Variants in HELZ observed in about 807,000 individuals in gnomAD.
HELZ encodes helicase with zinc finger, also known as ATP-dependent RNA helicase with zinc finger domain.
Under a neutral mutation model 218.2 loss-of-function variants are expected in HELZ, and 23 were observed. The ratio of observed to expected loss-of-function variants is 0.11; its 90% CI spans 0.08 to 0.15. The LOEUF is 0.15. HELZ is among the 10% of genes least tolerant of loss of function. The pLI is 1.00. For synonymous variants in HELZ, 814 were observed against 829.4 expected (o/e 0.98, Z 0.32); for missense variants, 1,813 against 2,353.7 (o/e 0.77, Z 4.75).
intron 31 of HELZ, among the ~76,000 whole-genome samples, chr17:67,101,461 A>G (rs906989115): frequency 1.3e-5 from 2 of 152,224 alleles, no homozygotes; most frequent in Non-Finnish European, 2.9e-5. Context: ...TTAAAACAGT[A>G]TAATTCTAGC....
intron 5 of HELZ, among the ~76,000 whole-genome samples, chr17:67,206,566 C>T (rs1598421794): frequency 6.7e-6 from 1 of 150,102 alleles, no homozygotes; most frequent in African/African-American, 2.5e-5. Context: ...TACATATTCT[C>T]TACTGTTTTC....
chr17:67,155,277 A>C (rs1435364406), intron 17 of HELZ, among the ~76,000 whole-genome samples: 1 of 152,184 alleles, frequency 6.6e-6, no homozygotes, highest in African/African-American at 2.4e-5. Flanking sequence ...CAGCATAACA[A>C]AGAACAACCA....
chr17:67,170,469 G>A (rs773470315), intron 13 of HELZ, among the ~76,000 whole-genome samples: 22 of 152,030 alleles, frequency 1.4e-4, no homozygotes, highest in East Asian at 3.9e-4. Context: ...AGCTGAGATC[G>A]CGCCACTGCA....
rs1457357666 is a variant in HELZ at position 67,217,856 on chromosome 17, TCTC to T, written c.210+736_210+738del. Among the ~76,000 whole-genome samples, 10 of 152,064 alleles carry T rather than the reference TCTC, an allele frequency of 6.6e-5. No individual in the cohort carries two copies. The East Asian group carries it at 7.7e-4, about 12-fold the overall frequency. On this transcript the variant is annotated intron_variant, in intron 4 of 32. Transcript: ENST00000358691. ...ATATTCCCAATCTCCCCTGCCCTGT[TCTC>T]CTTTTTTCATGCGGTTACTACCTTT...
At chr17:67,100,788 A>C (rs914739294) in intron 31 of HELZ, among the ~76,000 whole-genome samples, 6 of 152,180 alleles carry the variant, frequency 3.9e-5, no homozygotes, top group Non-Finnish European at 8.8e-5. Flanking sequence ...CATTCAAAAA[A>C]TAAGAGAGAG....
chr17:67,095,893 T>A (rs1430298047), intron 31 of HELZ, among the ~76,000 whole-genome samples: 1 of 152,218 alleles, frequency 6.6e-6, no homozygotes, highest in Non-Finnish European at 1.5e-5. Flanking sequence ...GGTTTTTAAT[T>A]TACTTTGTCC....
chr17:67,174,719 A>G (rs1027129310), intron 13 of HELZ, among the ~76,000 whole-genome samples: 1 of 151,752 alleles, frequency 6.6e-6, no homozygotes, highest in East Asian at 1.9e-4. Context: ...AATCGCTTGA[A>G]CCCAGGAGGC....
chr17:67,099,764 A>G (rs565536838), intron 31 of HELZ, among the ~76,000 whole-genome samples: 1 of 152,344 alleles, frequency 6.6e-6, no homozygotes, highest in South Asian at 2.1e-4. Context: ...CAGCAACTTA[A>G]TTAATAAGGG....
chr17:67,115,290 A>C (rs986626897), intron 27 of HELZ, among the ~76,000 whole-genome samples: 1 of 152,120 alleles, frequency 6.6e-6, no homozygotes, highest in Non-Finnish European at 1.5e-5. Flanking sequence ...AATGTTAAAA[A>C]AATTAGCACC....
intron 17 of HELZ, among the ~76,000 whole-genome samples, chr17:67,157,888 A>G (rs1209763352): frequency 1.3e-5 from 2 of 152,166 alleles, no homozygotes; most frequent in Admixed American, 1.3e-4. Flanking sequence ...TCCATAGATG[A>G]CCTCTATCTG....
At chr17:67,187,292 A>G (rs1306351530) in intron 12 of HELZ, among the ~76,000 whole-genome samples, 1 of 152,208 alleles carries the variant, frequency 6.6e-6, no homozygotes, top group African/African-American at 2.4e-5. Flanking sequence ...TCAGTGGGAA[A>G]TAAGGGTAAA....
At chr17:67,183,689 T>C (rs1338910993) in intron 12 of HELZ, among the ~76,000 whole-genome samples, 1 of 152,206 alleles carries the variant, frequency 6.6e-6, no homozygotes, top group Non-Finnish European at 1.5e-5. Flanking sequence ...TTAATCAAGT[T>C]GTGGTATAAA....
At chr17:67,181,386 T>C (rs1598382645) in intron 12 of HELZ, among the ~76,000 whole-genome samples, 2 of 152,190 alleles carry the variant, frequency 1.3e-5, no homozygotes, top group Non-Finnish European at 2.9e-5. Flanking sequence ...TACTCTGGGT[T>C]AACAGTATTC....
intron 12 of HELZ, among the ~76,000 whole-genome samples, chr17:67,186,448 T>C (rs1411190501): frequency 6.6e-6 from 1 of 152,146 alleles, no homozygotes; most frequent in Non-Finnish European, 1.5e-5. Context: ...TCTATTTGAC[T>C]CTGATTTTTG....
In HELZ at chr17:67,209,939, G is replaced by C. The variant is rs552305962; in HGVS notation, c.247+5960C>G. On this transcript the variant is annotated intron_variant, in intron 5 of 32. Coordinates refer to ENST00000358691, the MANE Select transcript of HELZ (RefSeq NM_014877.4). ...TTAATCAAAACTCTTCTGAGGGCCAGGTGCAGTAGCTCACACCTGTAATCT... is the reference window on the plus strand; with the variant it reads ...TTAATCAAAACTCTTCTGAGGGCCACGTGCAGTAGCTCACACCTGTAATCT... 2.6e-5 allele frequency among the ~76,000 whole-genome samples: 4 copies of C among 152,246 alleles called. No individual in the cohort carries two copies. In the South Asian group the frequency reaches 8.3e-4, roughly 32 times the overall value.
At chr17:67,195,023 A>G (rs375840080) in intron 8 of HELZ, among the ~76,000 whole-genome samples, 28 of 152,320 alleles carry the variant, frequency 1.8e-4, no homozygotes, top group African/African-American at 6.7e-4. Context: ...AGAGGAGAGG[A>G]GATCACAGAG....
intron 23 of HELZ, among the ~76,000 whole-genome samples, chr17:67,129,284 A>G (rs866697170): frequency 4.6e-5 from 7 of 152,002 alleles, no homozygotes; most frequent in African/African-American, 1.7e-4. Flanking sequence ...ATGAATATAA[A>G]TCACATAATT....
At chr17:67,160,468 C>A in intron 16 of HELZ, 106 bp from the exon 17 acceptor site, 1 of 701,322 alleles carries the variant, frequency 1.4e-6, no homozygotes, top group Non-Finnish European at 2.4e-6. Context: ...TTATACAATT[C>A]CCTTACCCTA....
intron 21 of HELZ, among the ~76,000 whole-genome samples, chr17:67,145,406 C>A (rs1184465528): frequency 2.0e-5 from 3 of 152,154 alleles, no homozygotes; most frequent in Non-Finnish European, 4.4e-5. Context: ...AAATGATACA[C>A]CTCATTTGCA....
Sources: allele counts gnomAD v4.1 joint callset (sites outside exome capture counted in the v4.1 genomes callset), GRCh38; gene constraint gnomAD v4.1.1; transcripts MANE v1.5; gene names NCBI Gene and HGNC (gene_info 2026-07-23, HGNC 2026-07-21).